Variants in ARL3 observed in about 807,000 individuals in gnomAD.
ARL3 encodes ADP-ribosylation factor-like protein 3.
A neutral mutation model predicts 26.0 loss-of-function variants in ARL3; 9 were observed. The observed-to-expected ratio is 0.35, with a 90% confidence interval of 0.21 to 0.60. The LOEUF (loss-of-function observed/expected upper bound fraction) is 0.60, where lower values mean the gene tolerates loss of function less well. Among genes scored for constraint, ARL3 ranks in the 20% least tolerant of loss-of-function variants. The pLI is 0.78. For synonymous variants in ARL3, 71 were observed against 78.4 expected, an observed-to-expected ratio of 0.91 and a Z score of 0.50; for missense variants, 158 against 215.7, an observed-to-expected ratio of 0.73 and a Z score of 1.67.
At chr10:102,709,850 TG>T (rs2064329321) in intron 1 of ARL3, among the ~76,000 whole-genome samples, 1 of 151,840 alleles carries the variant, frequency 6.6e-6, no homozygotes, top group Non-Finnish European at 1.5e-5. Context: ...CTGGCCAACA[TG>T]GTGAAACCCT....
At chr10:102,679,758 T>G (rs1410514839) in intron 5 of ARL3, among the ~76,000 whole-genome samples, 2 of 152,202 alleles carry the variant, frequency 1.3e-5, no homozygotes, top group Admixed American at 6.5e-5. Context: ...TCAAGATTCC[T>G]GGGCTGTGGG....
intron 5 of ARL3, among the ~76,000 whole-genome samples, chr10:102,682,064 GGGCC>G (rs2064158191): frequency 6.6e-6 from 1 of 152,096 alleles, no homozygotes; most frequent in Non-Finnish European, 1.5e-5. Context: ...ATCCTAGGAG[GGGCC>G]CTGGCAACCT....
intron 3 of ARL3, among the ~76,000 whole-genome samples, chr10:102,696,880 TA>T (rs1417836631): frequency 1.2e-4 from 18 of 152,292 alleles, no homozygotes; most frequent in African/African-American, 4.3e-4. Context: ...GCAGCTGGCT[TA>T]TATAGTCATG....
chr10:102,696,903 G>A (rs965381187), intron 3 of ARL3, among the ~76,000 whole-genome samples: 1 of 152,196 alleles, frequency 6.6e-6, no homozygotes, highest in African/African-American at 2.4e-5. Context: ...GTTGCTTAAT[G>A]ACAGGGGCAT....
Position 102,712,997 on chromosome 10 carries a change from G to GT in ARL3, c.3+1275dup, listed in dbSNP as rs200811271. Among the ~76,000 whole-genome samples the GT allele has an allele frequency of 6.6e-4, 94 of 143,454 alleles. 1 individual carries two copies. In the South Asian group the frequency reaches 8.2e-3, roughly 13 times the overall value. The allele number at this position is 143,454 out of a possible 152,430, so 94.1% of individuals were successfully genotyped here. A position where few individuals can be genotyped will look rare whatever the true frequency, so the allele number is the denominator to read the frequency against. On this transcript the variant is annotated intron_variant, in intron 1 of 5. Transcript: ENST00000260746. The stretch of plus-strand genomic sequence containing the variant: ...AATCTGACAATGTAAAATCAATTGA[G>GT]TTTTTTTTTTCCTTTCTAAATCTAC...
At chr10:102,698,781 C>T (rs536937663) in intron 3 of ARL3, among the ~76,000 whole-genome samples, 16 of 152,338 alleles carry the variant, frequency 1.1e-4, no homozygotes, top group South Asian at 2.1e-4. Flanking sequence ...GGCAGCTTCT[C>T]CTACTACTGG....
At chr10:102,708,152 G>A (rs375095690) in intron 1 of ARL3, among the ~76,000 whole-genome samples, 3 of 100,404 alleles carry the variant, frequency 3.0e-5, no homozygotes, top group East Asian at 2.9e-4. Context: ...AAGCTCAAGC[G>A]ATCCACCCAA....
At chr10:102,693,502 CA>C (rs1340751695) in intron 3 of ARL3, among the ~76,000 whole-genome samples, 3 of 151,986 alleles carry the variant, frequency 2.0e-5, no homozygotes, top group Non-Finnish European at 4.4e-5. Flanking sequence ...GGTGTCTGTT[CA>C]GATCTTTTGC....
At chr10:102,692,278 C>A (rs1488079942) in intron 3 of ARL3, among the ~76,000 whole-genome samples, 11 of 152,222 alleles carry the variant, frequency 7.2e-5, no homozygotes, top group Non-Finnish European at 1.5e-4. Flanking sequence ...ATATACTTCT[C>A]TTCCTTGGGT....
At chr10:102,686,962 G>A (rs1354864796) in intron 4 of ARL3, among the ~76,000 whole-genome samples, 3 of 125,772 alleles carry the variant, frequency 2.4e-5, no homozygotes, top group African/African-American at 3.0e-5. Flanking sequence ...TGCAACCTCC[G>A]CCTCCCGGGT....
chr10:102,680,329 G>A (rs775097105), intron 5 of ARL3, among the ~76,000 whole-genome samples: 14 of 152,112 alleles, frequency 9.2e-5, no homozygotes, highest in Non-Finnish European at 1.0e-4. Flanking sequence ...GGTATGAATA[G>A]TCCTCCCTTC....
chr10:102,689,292 T>C (rs1308846005), intron 4 of ARL3, among the ~76,000 whole-genome samples: 1 of 152,044 alleles, frequency 6.6e-6, no homozygotes, highest in African/African-American at 2.4e-5. Flanking sequence ...GCCATTGCAC[T>C]CCAGCCTGGG....
intron 3 of ARL3, among the ~76,000 whole-genome samples, chr10:102,696,327 G>A (rs375448290): frequency 1.2e-4 from 18 of 146,950 alleles, no homozygotes; most frequent in African/African-American, 4.5e-4. Context: ...GAGCAGTGGC[G>A]CAATCTTGGC....
chr10:102,682,017 G>GA (rs923285027), intron 5 of ARL3, among the ~76,000 whole-genome samples: 31 of 151,724 alleles, frequency 2.0e-4, no homozygotes, highest in African/African-American at 7.3e-5. Flanking sequence ...CCCAAGGAGG[G>GA]AAAAAAAAGA....
At chr10:102,704,142 C>A (rs1404775050) in intron 2 of ARL3, among the ~76,000 whole-genome samples, 7 of 102,958 alleles carry the variant, frequency 6.8e-5, no homozygotes, top group African/African-American at 2.7e-4. Flanking sequence ...CAGAACGAGA[C>A]TCTGTCTCCA....
intron 1 of ARL3, among the ~76,000 whole-genome samples, chr10:102,708,908 A>ATATATATATATATTTTTTTT: frequency 2.1e-5 from 2 of 95,350 alleles, no homozygotes; most frequent in African/African-American, 8.4e-5. Flanking sequence ...ATATATATAT[A>ATATATATATATATTTTTTTT]TTTTTTTTTT....
At chr10:102,699,328 A>T (rs1360798578) in intron 3 of ARL3, 45 bp downstream of exon 3, 1 of 1,187,944 alleles carries the variant, frequency 8.4e-7, no homozygotes, top group Non-Finnish European at 1.3e-6. Flanking sequence ...TTTCTAACAC[A>T]TGGCAGAAAA....
At chr10:102,678,541 T>G (rs187579383) in intron 5 of ARL3, among the ~76,000 whole-genome samples, 1 of 152,274 alleles carries the variant, frequency 6.6e-6, no homozygotes, top group Non-Finnish European at 1.5e-5. Context: ...CTTTCCACCT[T>G]CAGGGGCTCA....
chr10:102,685,918 T>A lies in ARL3; in HGVS notation c.399A>T (p.Ala133=). The A allele has an allele frequency of 6.2e-7, 1 of 1,614,198 alleles. No homozygotes were observed. The highest frequency in any genetic ancestry group is 1.7e-5 in the Admixed American group (1 of 60,010). Reference sequence around the variant, plus strand: ...CTTCTGCAATTTCAGAGGCAGGGGCTGCTGTGAGCAAATCCTGCTTATTAG... The same window carrying A: ...CTTCTGCAATTTCAGAGGCAGGGGCAGCTGTGAGCAAATCCTGCTTATTAG... ...IFANKQDLLT[A]APASEIAEGL... is the part of the protein sequence containing the mutation. The change falls in exon 5 of 6, where the codon GCA becomes GCT. Residue 133 remains alanine, a synonymous_variant. Transcript: ENST00000260746.
Sources: gnomAD v4.1 joint callset for allele counts (sites outside exome capture counted in the v4.1 genomes callset) on GRCh38, gnomAD v4.1.1 for gene constraint, MANE v1.5 for transcripts, NCBI Gene and HGNC (gene_info 2026-07-23, HGNC 2026-07-21) for gene names.